The following RPL22 variants were observed in gnomAD, a reference collection of about 807,000 sequenced individuals.
RPL22 encodes the protein ribosomal protein L22.
A neutral mutation model predicts 16.2 loss-of-function variants in RPL22; 4 were observed. The observed-to-expected ratio is 0.25, with a 90% confidence interval of 0.12 to 0.57. The LOEUF is 0.57. Among genes scored for constraint, RPL22 ranks in the 20% least tolerant of loss-of-function variants. RPL22 has a pLI of 0.92. For missense variants in RPL22, 83 were observed against 156.1 expected, an observed-to-expected ratio of 0.53 and a Z score of 2.49; for synonymous variants, 43 against 54.8, an observed-to-expected ratio of 0.78 and a Z score of 0.95.
chr1:6,190,187 C>G (rs754587018), intron 3 of RPL22, among the ~76,000 whole-genome samples: 177 of 152,166 alleles, frequency 1.2e-3, no homozygotes, highest in Non-Finnish European at 1.9e-3. Flanking sequence ...CTGCTACAGC[C>G]CAGCAGGCCG....
chr1:6,193,645 C>A (rs140950669), intron 2 of RPL22, among the ~76,000 whole-genome samples: 54 of 150,988 alleles, frequency 3.6e-4, no homozygotes, highest in Middle Eastern at 7.1e-3. Context: ...GAGAAGGGGT[C>A]TCTCTATGTT....
chr1:6,199,348 C>T (rs1667764640), intron 1 of RPL22: 6 of 1,300,782 alleles, frequency 4.6e-6, no homozygotes, highest in Non-Finnish European at 5.9e-6. Context: ...CCTCCGAGAC[C>T]TCCCGGATCT....
chr1:6,194,131 A>G (rs1667687086), intron 2 of RPL22, among the ~76,000 whole-genome samples: 1 of 151,850 alleles, frequency 6.6e-6, no homozygotes, highest in Non-Finnish European at 1.5e-5. Flanking sequence ...CCTTGAGCCC[A>G]GGAGGCGGAG....
intron 3 of RPL22, among the ~76,000 whole-genome samples, chr1:6,187,627 C>CAAAAAAAAAAAAAAAAAAAAA (rs1211311688): frequency 8.7e-6 from 1 of 115,504 alleles, no homozygotes. Context: ...AAAAAAAAAA[C>CAAAAAAAAAAAAAAAAAAAAA]AAAAAAAAAA....
At chr1:6,197,968 G>T in intron 1 of RPL22, 1 of 582,788 alleles carries the variant, frequency 1.7e-6, no homozygotes, top group Non-Finnish European at 3.0e-6. Flanking sequence ...GGGGCCTGGG[G>T]TCATGCCCTT....
chr1:6,187,201 G>A (rs1298779458), intron 3 of RPL22, among the ~76,000 whole-genome samples: 1 of 152,108 alleles, frequency 6.6e-6, no homozygotes, highest in Non-Finnish European at 1.5e-5. Context: ...CCAGCTACTC[G>A]GGAGGCTGAG....
intron 3 of RPL22, among the ~76,000 whole-genome samples, chr1:6,187,270 T>C (rs938811641): frequency 1.3e-5 from 2 of 151,726 alleles, no homozygotes; most frequent in African/African-American, 4.9e-5. Flanking sequence ...ATTGTACCAC[T>C]GTATTCCAGC....
Position 6,185,512 on chromosome 1 carries a change from G to A in RPL22, c.*1160C>T. The A allele has an allele frequency of 5.0e-6, 2 of 396,896 alleles. No homozygotes were observed. The highest frequency in any genetic ancestry group is 8.8e-5 in the Admixed American group (2 of 22,700). The allele number at this position is 396,896 out of a possible 1,614,324, so 24.6% of individuals were successfully genotyped here. A position where few individuals can be genotyped will look rare whatever the true frequency, so the allele number is the denominator to read the frequency against. On this transcript the variant is annotated 3_prime_UTR_variant, in exon 4 of 4. Coordinates refer to ENST00000234875, the MANE Select transcript of RPL22 (RefSeq NM_000983.4). The stretch of plus-strand genomic sequence containing the variant: ...CAAATGTTTAATGGGAGCCAAGGTA[G>A]GACTGAGCATTGAACTTCCAGCTAT...
intron 1 of RPL22, chr1:6,198,754 C>A (rs191783856): frequency 7.9e-5 from 12 of 152,306 alleles, no homozygotes; most frequent in Admixed American, 1.3e-4. Context: ...CTATTCCGAA[C>A]ACACACAATC....
chr1:6,198,087 C>T (rs2247392), intron 1 of RPL22: 67,423 of 260,236 alleles, frequency 0.26, 9,042 homozygotes, highest in East Asian at 0.31. Context: ...AAAATGAACA[C>T]TTCCTTTTGT....
intron 3 of RPL22, among the ~76,000 whole-genome samples, chr1:6,188,880 G>A (rs1194801902): frequency 6.6e-6 from 1 of 151,870 alleles, no homozygotes; most frequent in Admixed American, 6.6e-5. Flanking sequence ...CCGTCTCCCG[G>A]GTTCAAGCAA....
intron 3 of RPL22, 140 bp downstream of exon 3, chr1:6,192,790 A>G: frequency 1.0e-6 from 1 of 995,466 alleles, no homozygotes; most frequent in Non-Finnish European, 1.5e-6. Flanking sequence ...GCATTCATCC[A>G]CTGCCTCCTG....
intron 3 of RPL22, among the ~76,000 whole-genome samples, chr1:6,190,512 C>A (rs548201627): frequency 6.6e-4 from 101 of 152,310 alleles, no homozygotes; most frequent in African/African-American, 2.3e-3. Context: ...TACCCAGTAG[C>A]TGGGATTACA....
intron 3 of RPL22, among the ~76,000 whole-genome samples, chr1:6,192,648 G>A (rs563936727): frequency 2.0e-5 from 3 of 152,230 alleles, no homozygotes; most frequent in Admixed American, 1.3e-4. Context: ...GCAGTGAGCC[G>A]AGATCGCGCC....
Position 6,199,547 on chromosome 1 carries a change from C to T in RPL22, c.12+15G>A. The stretch of plus-strand genomic sequence containing the variant: ...CCTCCCCTGGAGCCGAGGCCTCACG[C>T]GGAGCCATACTAACCACAGGAGCCA... On this transcript the variant is annotated intron_variant, in intron 1 of 3. Coordinates refer to ENST00000234875, the MANE Select transcript of RPL22 (RefSeq NM_000983.4). The T allele has an allele frequency of 3.2e-6, 5 of 1,560,480 alleles. No individual in the cohort carries two copies. Among genetic ancestry groups the T allele is most frequent in the Non-Finnish European group, 4.3e-6 (5 of 1,152,412 alleles).
At position 6,186,677 on chromosome 1, in the gene RPL22, C is replaced by A. The variant is rs1188281412; in HGVS notation, c.382G>T (p.Asp128Tyr). The A allele has an allele frequency of 2.0e-6, 3 of 1,537,234 alleles. No individual in the cohort carries two copies. The highest frequency in any genetic ancestry group is 1.8e-6 in the Non-Finnish European group (2 of 1,137,212). Residue 128 changes from aspartate (D) to tyrosine (Y), a missense_variant, in exon 4 of 4, where the codon GAT (aspartate) becomes TAT (tyrosine). Transcript: ENST00000234875. ...ATTTTCCAGATAAATGAAATTTAAT[C>A]CTCGTCTTCCTCCTCTTCTTCGTCC... Reference protein sequence around the residue: ...NQDEEEEEDED With the variant: ...NQDEEEEEDEY
At chr1:6,198,989 C>G (rs1482855735) in intron 1 of RPL22, 1 of 152,432 alleles carries the variant, frequency 6.6e-6, no homozygotes, top group Non-Finnish European at 1.5e-5. Flanking sequence ...CCCAGCATAG[C>G]TAAAGGAGAA....
chr1:6,194,657 C>T (rs1455684972), intron 2 of RPL22, among the ~76,000 whole-genome samples: 11 of 152,174 alleles, frequency 7.2e-5, no homozygotes, highest in Admixed American at 7.2e-4. Flanking sequence ...GAAGCCAAGG[C>T]AGGAAGATTG....
chr1:6,198,687 G>T (rs149008599), intron 1 of RPL22: 81 of 152,314 alleles, frequency 5.3e-4, no homozygotes, highest in African/African-American at 1.8e-3. Context: ...AAAAATCACT[G>T]ATTTATTTTT....
Sources: gnomAD v4.1 joint callset for allele counts (sites outside exome capture counted in the v4.1 genomes callset) on GRCh38, gnomAD v4.1.1 for gene constraint, MANE v1.5 for transcripts, NCBI Gene and HGNC (gene_info 2026-07-23, HGNC 2026-07-21) for gene names.